The following ST3GAL4 variants were observed in gnomAD, a reference collection of about 807,000 sequenced individuals.
ST3GAL4 encodes ST3 beta-galactoside alpha-2,3-sialyltransferase 4.
Under a neutral mutation model 42.6 loss-of-function variants are expected in ST3GAL4, and 24 were observed. The observed-to-expected ratio is 0.56, with a 90% CI of 0.41 to 0.79. The LOEUF is 0.79. ST3GAL4 is among the 30% of genes least tolerant of loss of function. The probability of loss-of-function intolerance (pLI) is 0.00; values close to 1 mark genes in which losing one functional copy is unlikely to be tolerated. For missense variants in ST3GAL4, 311 were observed against 430.8 expected, an observed-to-expected ratio of 0.72 and a Z score of 2.46; for synonymous variants, 135 against 163.2, an observed-to-expected ratio of 0.83 and a Z score of 1.32.
At position 126,400,868 on chromosome 11, in the gene ST3GAL4, A is replaced by G. The variant is rs1953965527; in HGVS notation, c.-60-5228A>G. 6.6e-6 allele frequency among the ~76,000 whole-genome samples: 1 copy of G among 152,160 alleles called. No homozygotes were observed. Among genetic ancestry groups the G allele is most frequent in the Non-Finnish European group, 1.5e-5 (1 of 68,032 alleles). ...CCTTCACACTGGGGCTGAGTTTTGT[A>G]AAATCCGACATCCCCAGTTTCACCT... On this transcript the variant is annotated intron_variant, in intron 1 of 10. Transcript: ENST00000444328. The surrounding 1 kb of genome is among the most constrained non-coding windows in gnomAD (Gnocchi z 4.6).
At position 126,406,466 on chromosome 11, in the gene ST3GAL4, C is replaced by T. The variant is rs1954236169; in HGVS notation, c.17-7C>T. ...GCCTCTAGCTCCTCTCTGCATGTGT[C>T]CTGCAGGCTGGAAGCTCCTGGCCAT... On this transcript the variant is annotated splice_polypyrimidine_tract_variant and splice_region_variant and intron_variant, in intron 2 of 10. Coordinates refer to ENST00000444328, the MANE Select transcript of ST3GAL4 (RefSeq NM_001254757.2). The surrounding 1 kb of genome is among the most constrained non-coding windows in gnomAD (Gnocchi z 5.4). The T allele has an allele frequency of 1.2e-6, 2 of 1,614,190 alleles. No individual in the cohort carries two copies. Among genetic ancestry groups the T allele is most frequent in the African/African-American group, 1.3e-5 (1 of 75,052 alleles).
chr11:126,372,233 T>C (rs957310276), intron 1 of ST3GAL4, among the ~76,000 whole-genome samples: 2 of 152,178 alleles, frequency 1.3e-5, no homozygotes, highest in Non-Finnish European at 2.9e-5. Context: ...TTCCCCTCAG[T>C]CCTTGGCAGC....
In ST3GAL4 at chr11:126,406,498, T is replaced by C; in HGVS notation, c.42T>C (p.Ala14=). 2 of 1,614,224 alleles carry C rather than the reference T, an allele frequency of 1.2e-6. No homozygotes were observed. Among genetic ancestry groups the C allele is most frequent in the Non-Finnish European group, 1.7e-6 (2 of 1,180,032 alleles). ...GCTGGAAGCTCCTGGCCATGTTGGC[T>C]CTGGTCCTGGTCGTCATGGTGTGGT... is the stretch of plus-strand genomic sequence containing the variant. The part of the protein sequence containing the change: ...KSRWKLLAML[A]LVLVVMVWYS... Residue 14 remains alanine (A), a synonymous_variant, in exon 3 of 11, where the codon GCT becomes GCC. Coordinates refer to ENST00000444328, the MANE Select transcript of ST3GAL4 (RefSeq NM_001254757.2). This position sits in a 1 kb window ranked among gnomAD's most constrained non-coding sequence, Gnocchi z 5.4.
At position 126,363,616 on chromosome 11, in the gene ST3GAL4, A is replaced by G. The variant is rs1402317852; in HGVS notation, c.-61+7774A>G. Among the ~76,000 whole-genome samples, 1 of 152,206 alleles carries G rather than the reference A, an allele frequency of 6.6e-6. No homozygotes were observed. Among genetic ancestry groups the G allele is most frequent in the Non-Finnish European group, 1.5e-5 (1 of 68,034 alleles). The stretch of plus-strand genomic sequence containing the variant: ...TCTTTAGCTCAGCTCCTGAGCCCTC[A>G]TGCAACTCTTTGGACATCTTCCTGC... On this transcript the variant is annotated intron_variant, in intron 1 of 10. Coordinates refer to ENST00000444328, the MANE Select transcript of ST3GAL4 (RefSeq NM_001254757.2). This position sits in a 1 kb window ranked among gnomAD's most constrained non-coding sequence, Gnocchi z 4.6.
In ST3GAL4 at chr11:126,397,630, T is replaced by G. The variant is rs1953836533; in HGVS notation, c.-60-8466T>G. 1.3e-5 allele frequency among the ~76,000 whole-genome samples: 2 copies of G among 152,316 alleles called. No individual in the cohort carries two copies. Among genetic ancestry groups the G allele is most frequent in the South Asian group, 4.1e-4 (2 of 4,822 alleles). Reference sequence around the variant, plus strand: ...GATGTTATCTTAGTCTGTTTTGTGCTGCCATTACCACCAAGTAGGTAATTT... The same window carrying G: ...GATGTTATCTTAGTCTGTTTTGTGCGGCCATTACCACCAAGTAGGTAATTT... On this transcript the variant is annotated intron_variant, in intron 1 of 10. Transcript: ENST00000444328. This position sits in a 1 kb window ranked among gnomAD's most constrained non-coding sequence, Gnocchi z 5.0.
chr11:126,413,951 G>T lies in ST3GAL4; in HGVS notation c.916-10G>T, dbSNP rs371028285. The stretch of plus-strand genomic sequence containing the variant: ...AGTCCCTCAGTTTATTTCCTTGGCT[G>T]TCTCCACAGGGGTCAGGCCATAATG... On this transcript the variant is annotated splice_polypyrimidine_tract_variant and intron_variant, in intron 10 of 10. Coordinates refer to ENST00000444328, the MANE Select transcript of ST3GAL4 (RefSeq NM_001254757.2). 3.0e-5 allele frequency: 49 copies of T among 1,614,084 alleles called. No homozygotes were observed. The highest frequency in any genetic ancestry group is 3.9e-5 in the Non-Finnish European group (46 of 1,180,016).
chr11:126,372,395 C>CTT (rs1033765439), intron 1 of ST3GAL4, among the ~76,000 whole-genome samples: 43 of 150,984 alleles, frequency 2.8e-4, no homozygotes, highest in African/African-American at 8.7e-4. Context: ...GTCAGAATTT[C>CTT]TTTTTTTCTT....
intron 1 of ST3GAL4, among the ~76,000 whole-genome samples, chr11:126,371,502 A>T (rs1344713810): frequency 6.6e-6 from 1 of 152,154 alleles, no homozygotes; most frequent in Admixed American, 6.6e-5. Flanking sequence ...CTATTTACAA[A>T]TATACACAAA....
rs769009393 is a variant in ST3GAL4, at chr11:126,378,947, C to T, written c.-61+23105C>T. On this transcript the variant is annotated intron_variant, in intron 1 of 10. Transcript: ENST00000444328. This position sits in a 1 kb window ranked among gnomAD's most constrained non-coding sequence, Gnocchi z 5.3. ...TACAGAGGGATTCTGGAACACTGCC[C>T]AGATTTGGCCCAGTTCCATTCATGT... 6.6e-6 allele frequency among the ~76,000 whole-genome samples: 1 copy of T among 152,140 alleles called. No homozygotes were observed. The highest frequency in any genetic ancestry group is 1.5e-5 in the Non-Finnish European group (1 of 68,030).
chr11:126,363,081 C>T lies in ST3GAL4; in HGVS notation c.-61+7239C>T, dbSNP rs1038699306. On this transcript the variant is annotated intron_variant, in intron 1 of 10. Transcript: ENST00000444328. The surrounding 1 kb of genome is among the most constrained non-coding windows in gnomAD (Gnocchi z 4.6). ...GCTAAGATGAGTGGTCTAGAAATCC[C>T]TCCCCAGCTGGGCTGGACTGAATGA... Among the ~76,000 whole-genome samples the T allele has an allele frequency of 2.0e-5, 3 of 152,200 alleles. No homozygotes were observed. Among genetic ancestry groups the T allele is most frequent in the African/African-American group, 7.2e-5 (3 of 41,450 alleles).
intron 1 of ST3GAL4, chr11:126,405,881 C>A: frequency 1.6e-6 from 1 of 609,724 alleles, no homozygotes; most frequent in Non-Finnish European, 2.8e-6. Flanking sequence ...TCGGTTTTCC[C>A]TTCCGTGGCA....
chr11:126,406,198 C>A lies in ST3GAL4; in HGVS notation c.16+27C>A. ...TGAGTGTCATCCGAGGGCTCCCCCA[C>A]CCTGGAGGACAGGCCTCAGAAGCCG... On this transcript the variant is annotated intron_variant, in intron 2 of 10. Transcript: ENST00000444328. The surrounding 1 kb of genome is among the most constrained non-coding windows in gnomAD (Gnocchi z 5.4). The A allele has an allele frequency of 6.4e-7, 1 of 1,556,602 alleles. No homozygotes were observed. The highest frequency in any genetic ancestry group is 2.4e-5 in the East Asian group (1 of 41,252).
At position 126,398,545 on chromosome 11, in the gene ST3GAL4, G is replaced by A. The variant is rs35118834; in HGVS notation, c.-60-7551G>A. ...ACTGGTAGCTCTGCAGTTCTGGGGT[G>A]TCAGGATGGCCTTACTCCCACAGCT... On this transcript the variant is annotated intron_variant, in intron 1 of 10. Coordinates refer to ENST00000444328, the MANE Select transcript of ST3GAL4 (RefSeq NM_001254757.2). The surrounding 1 kb of genome is among the most constrained non-coding windows in gnomAD (Gnocchi z 4.7). 0.15 allele frequency among the ~76,000 whole-genome samples: 22,969 copies of A among 152,198 alleles called. 2,314 individuals are homozygous for A. Among genetic ancestry groups the A allele is most frequent in the Non-Finnish European group, 0.24 (16,018 of 67,984 alleles).
At position 126,407,858 on chromosome 11, in the gene ST3GAL4, C is replaced by G. The variant is rs529992539; in HGVS notation, c.341+224C>G. 5.3e-5 allele frequency among the ~76,000 whole-genome samples: 8 copies of G among 152,136 alleles called. No individual in the cohort carries two copies. In the South Asian group the frequency reaches 1.7e-3, roughly 32 times the overall value. On this transcript the variant is annotated intron_variant, in intron 6 of 10. Coordinates refer to ENST00000444328, the MANE Select transcript of ST3GAL4 (RefSeq NM_001254757.2). The stretch of plus-strand genomic sequence containing the variant: ...AGGCGTTTCTCATTGATACACCCCC[C>G]CATGCCTTCCCTCCACTCCTCTGCC...
chr11:126,408,290 C>G lies in ST3GAL4; in HGVS notation c.438-17C>G, dbSNP rs1443221756. 3.1e-6 allele frequency: 5 copies of G among 1,613,006 alleles called. No individual in the cohort carries two copies. The African/African-American group carries it at 6.7e-5, about 22-fold the overall frequency. On this transcript the variant is annotated splice_polypyrimidine_tract_variant and intron_variant, in intron 7 of 10. Transcript: ENST00000444328. ...CAGGAGGCCTCTAGTGATGGGAATC[C>G]TCCTCCCAACCCCCAGATTGAACAA...
At position 126,403,558 on chromosome 11, in the gene ST3GAL4, C is replaced by T. The variant is rs773482671; in HGVS notation, c.-60-2538C>T. On this transcript the variant is annotated intron_variant, in intron 1 of 10. Transcript: ENST00000444328. ...CACCCCTAACCAATTAAATAAACATCTCGGAGAGTGGGGCCTAGACTTTAT... is the reference window on the plus strand; with the variant it reads ...CACCCCTAACCAATTAAATAAACATTTCGGAGAGTGGGGCCTAGACTTTAT... 469 of 533,852 alleles carry T rather than the reference C, an allele frequency of 8.8e-4. 1 individual carries two copies. Among genetic ancestry groups the T allele is most frequent in the Non-Finnish European group, 1.1e-3 (439 of 417,244 alleles). The allele number at this position is 533,852 out of a possible 1,614,324, so 33.1% of individuals were successfully genotyped here. A position where few individuals can be genotyped will look rare whatever the true frequency, so the allele number is the denominator to read the frequency against.
At chr11:126,377,305 G>C (rs1327784829) in intron 1 of ST3GAL4, among the ~76,000 whole-genome samples, 1 of 151,744 alleles carries the variant, frequency 6.6e-6, no homozygotes, top group Non-Finnish European at 1.5e-5. Context: ...TGAGTAGCTG[G>C]GACTACAGGT....
rs141121296 is a variant in ST3GAL4, at chr11:126,389,900, G to A, written c.-60-16196G>A. ...AAAAAGTTAACATTATGGGCCAGGCGCGGTGGCTCACGCCTGTAATCCCAG... is the reference window on the plus strand; with the variant it reads ...AAAAAGTTAACATTATGGGCCAGGCACGGTGGCTCACGCCTGTAATCCCAG... On this transcript the variant is annotated intron_variant, in intron 1 of 10. Transcript: ENST00000444328. 5.7e-3 allele frequency among the ~76,000 whole-genome samples: 865 copies of A among 151,966 alleles called. 33 individuals are homozygous for A. Among genetic ancestry groups the A allele is most frequent in the Admixed American group, 0.05 (757 of 15,254 alleles).
chr11:126,387,034 T>C (rs1364111286), intron 1 of ST3GAL4, among the ~76,000 whole-genome samples: 1 of 152,170 alleles, frequency 6.6e-6, no homozygotes, highest in Non-Finnish European at 1.5e-5. Context: ...TGGCTGGTGC[T>C]CTGCCACTGC....
Sources: gnomAD v4.1 joint callset for allele counts (sites outside exome capture counted in the v4.1 genomes callset) on GRCh38, gnomAD v4.1.1 for gene constraint, Gnocchi (gnomAD v3.1) non-coding constraint, MANE v1.5 for transcripts, NCBI Gene and HGNC (gene_info 2026-07-23, HGNC 2026-07-21) for gene names.